PRRC2B: variants seen among roughly 807,000 people sequenced by gnomAD.
PRRC2B encodes the protein protein PRRC2B.
In PRRC2B, 68 loss-of-function variants were observed where a neutral mutation model predicts 242.3. The observed-to-expected ratio is 0.28, with a 90% confidence interval of 0.23 to 0.34. The LOEUF is 0.34. PRRC2B is among the 10% of genes least tolerant of loss of function. PRRC2B has a pLI of 1.00. For synonymous variants in PRRC2B, 1,228 were observed against 1,173.6 expected, an observed-to-expected ratio of 1.05 and a Z score of -0.95; for missense variants, 2,835 against 2,954.8, an observed-to-expected ratio of 0.96 and a Z score of 0.94.
chr9:131,478,573 G>A lies in PRRC2B; in HGVS notation c.4712G>A (p.Arg1571His). 1.4e-6 allele frequency: 2 copies of A among 1,476,170 alleles called. No individual in the cohort carries two copies. The highest frequency in any genetic ancestry group is 1.8e-6 in the Non-Finnish European group (2 of 1,094,964). 91.4% of individuals were successfully genotyped at this position (1,476,170 alleles called of 1,614,324 possible). The stretch of plus-strand genomic sequence containing the variant: ...ATCGAAGTCCTGACCAAGAAGCAGC[G>A]CCGCCTGCTGGAGGAAGAGAGAAGA... ...GFIEVLTKKQRRLLEEERRKK... is the reference protein window; with the variant it reads ...GFIEVLTKKQHRLLEEERRKK... The change falls in exon 18 of 32, where the codon CGC (arginine) becomes CAC (histidine). Residue 1571 changes from arginine to histidine, a missense_variant. Transcript: ENST00000683519.
chr9:131,446,972 A>T lies in PRRC2B; in HGVS notation c.856-113A>T. 6.6e-6 allele frequency: 9 copies of T among 1,356,648 alleles called. No individual in the cohort carries two copies. Among genetic ancestry groups the T allele is most frequent in the Non-Finnish European group, 8.2e-6 (8 of 976,470 alleles). The allele number at this position is 1,356,648 out of a possible 1,614,324, so 84.0% of individuals were successfully genotyped here. On this transcript the variant is annotated intron_variant, in intron 7 of 31. Transcript: ENST00000683519. The surrounding 1 kb of genome is among the most constrained non-coding windows in gnomAD (Gnocchi z 4.1). ...GTAGGATTAATTAGGAAACCCCATG[A>T]CTTTCCTGTTTCTTTTTCCCATTTT...
At chr9:131,455,459 A>G (rs529959333) in intron 10 of PRRC2B, among the ~76,000 whole-genome samples, 1 of 150,910 alleles carries the variant, frequency 6.6e-6, no homozygotes, top group Non-Finnish European at 1.5e-5. Flanking sequence ...GTCGTGCCCA[A>G]AAAGGCTGCT....
At position 131,500,022 on chromosome 9, in the gene PRRC2B, T is replaced by TA. The variant is rs1480541694; in HGVS notation, c.*4149dup. 3.9e-5 allele frequency: 6 copies of TA among 152,214 alleles called. No individual in the cohort carries two copies. Among genetic ancestry groups the TA allele is most frequent in the Non-Finnish European group, 7.3e-5 (5 of 68,032 alleles). 9.4% of individuals were successfully genotyped at this position (152,214 alleles called of 1,614,324 possible). A position where few individuals can be genotyped will look rare whatever the true frequency, so the allele number is the denominator to read the frequency against. ...TGTTTATACGGTATTTTGGGAAACT[T>TA]ACCTTGGATGGGAAATCGAATCGTG... On this transcript the variant is annotated 3_prime_UTR_variant, in exon 32 of 32. Coordinates refer to ENST00000683519, the MANE Select transcript of PRRC2B (RefSeq NM_013318.4).
rs369767342 is a variant in PRRC2B, at chr9:131,415,970, TG to T, written c.-51-14123del. 3.0e-4 allele frequency among the ~76,000 whole-genome samples: 44 copies of T among 148,930 alleles called. No homozygotes were observed. In the East Asian group the frequency reaches 9.1e-3, roughly 31 times the overall value. The stretch of plus-strand genomic sequence containing the variant: ...TCTCCTTCCCCCCACCCCACCCCCA[TG>T]TTTCTGGAACTCCTAGTTAAATCTG... On this transcript the variant is annotated intron_variant, in intron 1 of 31. Coordinates refer to ENST00000683519, the MANE Select transcript of PRRC2B (RefSeq NM_013318.4).
chr9:131,384,280 A>G (rs1260203257), intron 1 of PRRC2B, among the ~76,000 whole-genome samples: 2 of 150,102 alleles, frequency 1.3e-5, no homozygotes, highest in African/African-American at 4.9e-5. Context: ...GTATGTATGT[A>G]TGTATGTATG....
chr9:131,454,999 G>A, intron 9 of PRRC2B, 77 bp from the exon 10 acceptor site: 3 of 1,117,794 alleles, frequency 2.7e-6, no homozygotes, highest in Non-Finnish European at 4.0e-6. Flanking sequence ...TGGGATTACA[G>A]GCATGAGCCA....
Position 131,482,826 on chromosome 9 carries a change from C to T in PRRC2B, c.5292C>T (p.Val1764=), listed in dbSNP as rs371439363. 2.0e-5 allele frequency: 32 copies of T among 1,608,920 alleles called. No individual in the cohort carries two copies. In the Admixed American group the frequency reaches 3.4e-4, roughly 17 times the overall value. The change falls in exon 22 of 32, where the codon GTC becomes GTT. Residue 1764 remains valine, a synonymous_variant. Coordinates refer to ENST00000683519, the MANE Select transcript of PRRC2B (RefSeq NM_013318.4). This position sits in a 1 kb window ranked among gnomAD's most constrained non-coding sequence, Gnocchi z 5.2. Reference sequence around the variant, plus strand: ...GGGCCGAGCGGCTGCAAGGGGCTGTCGTCCCGCCTGTTAACGGGGTGGAGA... The same window carrying T: ...GGGCCGAGCGGCTGCAAGGGGCTGTTGTCCCGCCTGTTAACGGGGTGGAGA... ...SEGAERLQGA[V]VPPVNGVEIH...
At chr9:131,431,831 C>A (rs1464818826) in intron 2 of PRRC2B, among the ~76,000 whole-genome samples, 1 of 150,674 alleles carries the variant, frequency 6.6e-6, no homozygotes. Flanking sequence ...CGTGATCCGC[C>A]CGCCTCGGCC....
chr9:131,434,956 G>T (rs865801754), intron 3 of PRRC2B, among the ~76,000 whole-genome samples: 9 of 152,050 alleles, frequency 5.9e-5, no homozygotes, highest in Admixed American at 2.6e-4. Flanking sequence ...TTCTAAGGTC[G>T]TATGCTATGG....
At position 131,464,997 on chromosome 9, in the gene PRRC2B, A is replaced by C. The variant is rs745946701; in HGVS notation, c.1639A>C (p.Lys547Gln). ...KQARKAGEAR[K>Q]QAEKEVPWSP... Reference sequence around the variant, plus strand: ...GGCACGAAAGGCAGGTGAGGCCCGGAAGCAGGCAGAGAAGGAAGTGCCCTG... The same window carrying C: ...GGCACGAAAGGCAGGTGAGGCCCGGCAGCAGGCAGAGAAGGAAGTGCCCTG... Residue 547 changes from lysine (K) to glutamine (Q), a missense_variant, in exon 12 of 32, where the codon AAG becomes CAG. Physicochemically the swap from Lys to Gln is moderately conservative, Grantham distance 53 (BLOSUM62 1). This residue lies in a region of PRRC2B where 1,536 missense variants were observed against 1,483.1 expected (regional missense o/e 1.04). Transcript: ENST00000683519. The C allele has an allele frequency of 6.2e-7, 1 of 1,614,002 alleles. No homozygotes were observed. The highest frequency in any genetic ancestry group is 2.2e-5 in the East Asian group (1 of 44,882).
At chr9:131,484,854 G>A in intron 24 of PRRC2B, 64 bp downstream of exon 24, 2 of 1,563,150 alleles carry the variant, frequency 1.3e-6, no homozygotes, top group Non-Finnish European at 8.7e-7. Context: ...GAGGCAGAAG[G>A]GAGGAGTCCC....
chr9:131,399,276 CAAAAAAA>C (rs72492020), intron 1 of PRRC2B, among the ~76,000 whole-genome samples: 3 of 44,218 alleles, frequency 6.8e-5, no homozygotes, highest in South Asian at 9.1e-4. Flanking sequence ...AATTCTGTCT[CAAAAAAA>C]AAAAAAAAAA....
chr9:131,488,431 TTTTTG>T (rs1441716990), intron 28 of PRRC2B, among the ~76,000 whole-genome samples: 2 of 152,106 alleles, frequency 1.3e-5, no homozygotes, highest in Non-Finnish European at 2.9e-5. Flanking sequence ...GCCTGGCTAA[TTTTTG>T]TATTAGTAGA....
At chr9:131,391,483 C>A (rs2131270111), upstream of PRRC2B, among the ~76,000 whole-genome samples, 1 of 152,316 alleles carries the variant, frequency 6.6e-6, no homozygotes, top group Middle Eastern at 3.4e-3. Flanking sequence ...TCCTTAACTT[C>A]ATCCCATCTA....
In PRRC2B at chr9:131,432,687, C is replaced by T. The variant is rs375815992; in HGVS notation, c.186C>T (p.Asn62=). ...CCCGGCGCATGCCACCGCCTGCAAACCTGCCAAGCTTGAAGTCTGAAAACA... is the reference window on the plus strand; with the variant it reads ...CCCGGCGCATGCCACCGCCTGCAAATCTGCCAAGCTTGAAGTCTGAAAACA... ...AAARRMPPPA[N]LPSLKSENKG... Residue 62 remains asparagine, a synonymous_variant, in exon 3 of 32, where the codon AAC becomes AAT. Transcript: ENST00000683519. The T allele has an allele frequency of 1.7e-4, 279 of 1,613,944 alleles. 1 individual carries two copies. The highest frequency in any genetic ancestry group is 2.2e-4 in the Non-Finnish European group (261 of 1,179,922).
intron 14 of PRRC2B, among the ~76,000 whole-genome samples, chr9:131,472,090 C>T (rs935064197): frequency 1.3e-5 from 2 of 152,148 alleles, no homozygotes; most frequent in African/African-American, 4.8e-5. Flanking sequence ...TGCTTTCTAT[C>T]TTTATTGCCT....
At chr9:131,486,645 T>C in intron 26 of PRRC2B, 1 of 638,024 alleles carries the variant, frequency 1.6e-6, no homozygotes. Flanking sequence ...ATGCTGGTGC[T>C]GGGCCTTTGG....
chr9:131,392,439 T>C (rs1189038666), upstream of PRRC2B, among the ~76,000 whole-genome samples: 1 of 152,136 alleles, frequency 6.6e-6, no homozygotes, highest in African/African-American at 2.4e-5. Context: ...ATTTAATTTA[T>C]TTTTTATTTG....
intron 1 of PRRC2B, among the ~76,000 whole-genome samples, chr9:131,425,093 C>T (rs1183348747): frequency 6.6e-6 from 1 of 152,098 alleles, no homozygotes; most frequent in Non-Finnish European, 1.5e-5. Context: ...TCAAGTGATT[C>T]TCCTGCTTTA....
Sources: gnomAD v4.1 joint callset for allele counts (sites outside exome capture counted in the v4.1 genomes callset) on GRCh38, gnomAD v4.1.1 for gene constraint, gnomAD v4.1.1 regional missense constraint, Gnocchi (gnomAD v3.1) non-coding constraint, MANE v1.5 for transcripts, NCBI Gene and HGNC (gene_info 2026-07-23, HGNC 2026-07-21) for gene names.